The following COL23A1 variants were observed in gnomAD, a reference collection of about 807,000 sequenced individuals.
COL23A1 encodes the protein collagen type XXIII alpha 1 chain.
A neutral mutation model predicts 99.3 loss-of-function variants in COL23A1; 97 were observed. That is an observed-to-expected ratio of 0.98 (90% CI 0.83 to 1.16). COL23A1 has a LOEUF of 1.16. COL23A1 is among the 50% of genes most tolerant of loss of function. The pLI is 0.00. For missense variants in COL23A1, 762 were observed against 757.4 expected (o/e 1.01, Z -0.07); for synonymous variants, 320 against 308.2 (o/e 1.04, Z -0.40).
At chr5:178,278,986 C>A (rs1232398870) in intron 5 of COL23A1, among the ~76,000 whole-genome samples, 2 of 152,164 alleles carry the variant, frequency 1.3e-5, no homozygotes, top group African/African-American at 2.4e-5. Context: ...TGTCACTGGC[C>A]CTGACCACAG....
chr5:178,483,390 G>T (rs1035061965), intron 2 of COL23A1, among the ~76,000 whole-genome samples: 12 of 151,882 alleles, frequency 7.9e-5, no homozygotes, highest in Admixed American at 6.6e-4. Context: ...TCAGAATTCC[G>T]CTCCAAGAAA....
intron 2 of COL23A1, among the ~76,000 whole-genome samples, chr5:178,427,588 C>T (rs1278997087): frequency 1.8e-4 from 28 of 152,122 alleles, no homozygotes; most frequent in Admixed American, 1.8e-3. Context: ...TATTTAGCTA[C>T]ATAATATTTA....
rs562046240 is a variant in COL23A1 at position 178,442,507 on chromosome 5, G to A, written c.361+118175C>T. On this transcript the variant is annotated intron_variant, in intron 2 of 28. Transcript: ENST00000390654. Reference sequence around the variant, plus strand: ...TTTATGAATCTAACATGATAGGCCCGAGCGTCTCCCTCCCTGACAGCTGGG... The same window carrying A: ...TTTATGAATCTAACATGATAGGCCCAAGCGTCTCCCTCCCTGACAGCTGGG... Among the ~76,000 whole-genome samples, 5 of 152,286 alleles carry A rather than the reference G, an allele frequency of 3.3e-5. No individual in the cohort carries two copies. In the East Asian group the frequency reaches 9.7e-4, roughly 29 times the overall value.
intron 2 of COL23A1, among the ~76,000 whole-genome samples, chr5:178,429,779 A>G (rs950325908): frequency 6.6e-6 from 1 of 152,052 alleles, no homozygotes; most frequent in Non-Finnish European, 1.5e-5. Flanking sequence ...ATGGCTCCCC[A>G]TGGCCTACTG....
intron 2 of COL23A1, among the ~76,000 whole-genome samples, chr5:178,388,751 G>A (rs373108658): frequency 2.0e-5 from 3 of 152,278 alleles, no homozygotes; most frequent in East Asian, 1.9e-4. Context: ...ACTGGCATCC[G>A]ATGCTGTCAC....
In COL23A1 at chr5:178,560,698, T is replaced by C. The variant is rs1280090655; in HGVS notation, c.345A>G (p.Glu115=). The C allele has an allele frequency of 6.2e-7, 1 of 1,612,626 alleles. No homozygotes were observed. Among genetic ancestry groups the C allele is most frequent in the South Asian group, 1.1e-5 (1 of 90,750 alleles). Residue 115 remains glutamate, a synonymous_variant, in exon 2 of 29, where the codon GAA becomes GAG. Coordinates refer to ENST00000390654, the MANE Select transcript of COL23A1 (RefSeq NM_173465.4). ...TTCACTTACCTGGGGGGCAGACACA[T>C]TCGGATGGAGCTTCCCGAGCAGTCC... ...KIRTAREAPS[E]CVCPPGPPGR...
chr5:178,325,365 G>A lies in COL23A1; in HGVS notation c.362-18446C>T, dbSNP rs117264127. ...CAGCCTGGACTTCCCTCTCCAGCCC[G>A]TTCCGCCCAGCTCCACTTGCCCTCC... On this transcript the variant is annotated intron_variant, in intron 2 of 28. Transcript: ENST00000390654. Among the ~76,000 whole-genome samples the A allele has an allele frequency of 3.7e-5, 5 of 135,448 alleles. No individual in the cohort carries two copies. In the East Asian group the frequency reaches 8.1e-4, roughly 22 times the overall value. The allele number at this position is 135,448 out of a possible 152,430, so 88.9% of individuals were successfully genotyped here. A position where few individuals can be genotyped will look rare whatever the true frequency, so the allele number is the denominator to read the frequency against.
At chr5:178,260,021 C>T (rs1214513441) in intron 11 of COL23A1, among the ~76,000 whole-genome samples, 3 of 152,192 alleles carry the variant, frequency 2.0e-5, no homozygotes, top group Non-Finnish European at 2.9e-5. Flanking sequence ...GAGGATGAGG[C>T]GCTGGCTAAG....
At chr5:178,416,252 A>G (rs1160559956) in intron 2 of COL23A1, among the ~76,000 whole-genome samples, 1 of 152,220 alleles carries the variant, frequency 6.6e-6, no homozygotes, top group Non-Finnish European at 1.5e-5. Context: ...CAGGGACCCA[A>G]TATAGACAAG....
At chr5:178,260,280 G>A (rs895296183) in intron 11 of COL23A1, among the ~76,000 whole-genome samples, 4 of 152,242 alleles carry the variant, frequency 2.6e-5, no homozygotes, top group African/African-American at 4.8e-5. Flanking sequence ...CAGTCGGTGA[G>A]TGGGTAAATA....
At position 178,455,084 on chromosome 5, in the gene COL23A1, A is replaced by C. The variant is rs515480; in HGVS notation, c.361+105598T>G. On this transcript the variant is annotated intron_variant, in intron 2 of 28. Coordinates refer to ENST00000390654, the MANE Select transcript of COL23A1 (RefSeq NM_173465.4). ...GCAGTCTTGTCAGGTTGGATTAAGG[A>C]CCTGCTCCCCTCCAGTCTGACTTCA... 5.3e-3 allele frequency among the ~76,000 whole-genome samples: 801 copies of C among 152,336 alleles called. 3 individuals are homozygous for C. The highest frequency in any genetic ancestry group is 0.018 in the African/African-American group (745 of 41,584).
Position 178,255,160 on chromosome 5 carries a change from C to A in COL23A1, c.883-134G>T. On this transcript the variant is annotated intron_variant, in intron 15 of 28. Transcript: ENST00000390654. This position sits in a 1 kb window ranked among gnomAD's most constrained non-coding sequence, Gnocchi z 4.2. Reference sequence around the variant, plus strand: ...CGTCACCCAGGCTGCACGCATGCCCCTCCCCAGGGTGGATGGAGGGAACGG... The same window carrying A: ...CGTCACCCAGGCTGCACGCATGCCCATCCCCAGGGTGGATGGAGGGAACGG... 1.4e-6 allele frequency: 1 copy of A among 728,322 alleles called. No homozygotes were observed. The highest frequency in any genetic ancestry group is 1.6e-5 in the South Asian group (1 of 62,546). 45.1% of individuals were successfully genotyped at this position (728,322 alleles called of 1,614,324 possible).
chr5:178,311,793 T>C (rs1031155500), intron 2 of COL23A1, among the ~76,000 whole-genome samples: 5 of 147,398 alleles, frequency 3.4e-5, no homozygotes, highest in Admixed American at 7.0e-5. Flanking sequence ...TGCAGTGGCG[T>C]GATCTCGGCT....
At chr5:178,501,189 A>C (rs1388082879) in intron 2 of COL23A1, among the ~76,000 whole-genome samples, 1 of 152,196 alleles carries the variant, frequency 6.6e-6, no homozygotes, top group Non-Finnish European at 1.5e-5. Flanking sequence ...AAGGAATGAT[A>C]CAGCAGTCAG....
chr5:178,585,434 C>CGCTGG (rs1763895392), intron 1 of COL23A1, among the ~76,000 whole-genome samples: 1 of 127,294 alleles, frequency 7.9e-6, no homozygotes, highest in Admixed American at 7.9e-5. Flanking sequence ...CCCTGGTTGA[C>CGCTGG]ACTGGGGTAA....
intron 1 of COL23A1, chr5:178,562,745 T>A (rs995816623): frequency 1.7e-5 from 2 of 120,400 alleles, no homozygotes; most frequent in African/African-American, 8.4e-5. Context: ...GTGGGGGGGG[T>A]GCGGGCTTTT....
At chr5:178,570,436 C>CTGTGG (rs1201285892) in intron 1 of COL23A1, among the ~76,000 whole-genome samples, 2 of 152,066 alleles carry the variant, frequency 1.3e-5, no homozygotes. Context: ...GACCAATGTA[C>CTGTGG]TGTGGTTATG....
At chr5:178,479,759 T>C (rs2127950062) in intron 2 of COL23A1, among the ~76,000 whole-genome samples, 1 of 152,192 alleles carries the variant, frequency 6.6e-6, no homozygotes, top group Non-Finnish European at 1.5e-5. Flanking sequence ...AAAATACTTG[T>C]AAGTGAAATA....
At chr5:178,288,560 C>G in intron 4 of COL23A1, 1 of 628,640 alleles carries the variant, frequency 1.6e-6, no homozygotes, top group African/African-American at 1.8e-5. Flanking sequence ...GGACCAAGAG[C>G]CTCAGGGCTT....
Sources: gnomAD v4.1 joint callset for allele counts (sites outside exome capture counted in the v4.1 genomes callset) on GRCh38, gnomAD v4.1.1 for gene constraint, Gnocchi (gnomAD v3.1) non-coding constraint, MANE v1.5 for transcripts, NCBI Gene and HGNC (gene_info 2026-07-23, HGNC 2026-07-21) for gene names.